The following CUX1 variants were observed in gnomAD, a reference collection of about 807,000 sequenced individuals.
The protein encoded by CUX1 is cut like homeobox 1.
A neutral mutation model predicts 158.8 loss-of-function variants in CUX1; 31 were observed. The ratio of observed to expected loss-of-function variants is 0.20; its 90% confidence interval spans 0.15 to 0.26. The LOEUF is 0.26. Ranked by LOEUF, CUX1 falls within the 10% of genes least tolerant of loss-of-function variation. The probability of loss-of-function intolerance (pLI) is 1.00; values close to 1 mark genes in which losing one functional copy is unlikely to be tolerated. For synonymous variants in CUX1, 879 were observed against 862.1 expected, an observed-to-expected ratio of 1.02 and a Z score of -0.34; for missense variants, 1,589 against 2,014.6, an observed-to-expected ratio of 0.79 and a Z score of 4.04.
chr7:102,274,071 G>A, intron 15 of CUX1: 1 of 619,262 alleles, frequency 1.6e-6, no homozygotes, highest in Non-Finnish European at 3.0e-6. Flanking sequence ...CTCTTCTTTG[G>A]TAGCTCATGT....
At chr7:102,186,063 C>T (rs909747376) in intron 11 of CUX1, among the ~76,000 whole-genome samples, 3 of 152,190 alleles carry the variant, frequency 2.0e-5, no homozygotes, top group African/African-American at 7.2e-5. Context: ...GCCTGTCGCC[C>T]GTCCCAGGGT....
chr7:102,227,450 G>A lies in CUX1; in HGVS notation c.3214G>A (p.Glu1072Lys). Reference sequence around the variant, plus strand: ...CAGTGAGTCGGTGAAGAGCCTGACCGAGCTGGTCCAGCAGCCCTGTCCCCC... The same window carrying A: ...CAGTGAGTCGGTGAAGAGCCTGACCAAGCTGGTCCAGCAGCCCTGTCCCCC... ...SSSESVKSLT[E>K]LVQQPCPPIE... Residue 1072 changes from glutamate to lysine, a missense_variant, in exon 21 of 24, where the codon GAG (glutamate) becomes AAG (lysine). Transcript: ENST00000292535. 2.5e-6 allele frequency: 4 copies of A among 1,613,952 alleles called. No homozygotes were observed. The highest frequency in any genetic ancestry group is 2.5e-6 in the Non-Finnish European group (3 of 1,180,010).
intron 15 of CUX1, 55 bp downstream of exon 15, chr7:102,197,360 A>ATG: frequency 2.6e-6 from 4 of 1,562,998 alleles, no homozygotes; most frequent in Non-Finnish European, 2.6e-6. Flanking sequence ...AGAGTTGCAC[A>ATG]TGTGTGTGTG....
chr7:102,269,831 C>T lies in CUX1; in HGVS notation c.1256-3535C>T, dbSNP rs376414072. On this transcript the variant is annotated intron_variant, in intron 14 of 22. Coordinates refer to the CUX1 transcript ENST00000292538. ...TGTCTTCTTCCATGCCCCCCCCAAA[C>T]GCTTCCAAGCTCTGACCGTTGGGGC... 1.2e-3 allele frequency among the ~76,000 whole-genome samples: 185 copies of T among 152,316 alleles called. 1 individual carries two copies. The highest frequency in any genetic ancestry group is 4.1e-3 in the African/African-American group (171 of 41,558).
At chr7:101,912,249 C>A (rs1195709071) in intron 1 of CUX1, among the ~76,000 whole-genome samples, 2 of 133,254 alleles carry the variant, frequency 1.5e-5, no homozygotes, top group East Asian at 5.5e-4. Flanking sequence ...CCCCTCCCTC[C>A]TCCTCCTCTA....
At chr7:102,157,589 G>T (rs1789913788) in intron 8 of CUX1, among the ~76,000 whole-genome samples, 1 of 152,204 alleles carries the variant, frequency 6.6e-6, no homozygotes, top group Admixed American at 6.5e-5. Context: ...AGACCAGCCT[G>T]GCCAACATGG....
intron 20 of CUX1, among the ~76,000 whole-genome samples, chr7:102,219,795 T>A (rs1194190478): frequency 6.6e-6 from 1 of 152,234 alleles, no homozygotes; most frequent in African/African-American, 2.4e-5. Flanking sequence ...CTCTTGCTAA[T>A]CAGTCAAGAT....
In CUX1 at chr7:102,255,459, C is replaced by A. The variant is rs556130417; in HGVS notation, c.*6417C>A. 3 of 985,212 alleles carry A rather than the reference C, an allele frequency of 3.0e-6. No individual in the cohort carries two copies. Among genetic ancestry groups the A allele is most frequent in the Middle Eastern group, 5.2e-4 (1 of 1,910 alleles). 61.0% of individuals were successfully genotyped at this position (985,212 alleles called of 1,614,324 possible). Reference sequence around the variant, plus strand: ...GGCTATGCATAAATGTGCACTTCCCCCATGCCCCCGTTCTTAAACTCTTAA... The same window carrying A: ...GGCTATGCATAAATGTGCACTTCCCACATGCCCCCGTTCTTAAACTCTTAA... On this transcript the variant is annotated 3_prime_UTR_variant, in exon 24 of 24. Coordinates refer to ENST00000292535, the MANE Select transcript of CUX1 (RefSeq NM_181552.4).
At chr7:101,871,459 C>G (rs1181163987) in intron 1 of CUX1, among the ~76,000 whole-genome samples, 1 of 152,074 alleles carries the variant, frequency 6.6e-6, no homozygotes, top group Non-Finnish European at 1.5e-5. Context: ...TGGAGAGCCA[C>G]TTGGTGGAGG....
chr7:102,197,009 C>T lies in CUX1; in HGVS notation c.1598C>T (p.Ala533Val), dbSNP rs1554518556. The T allele has an allele frequency of 6.2e-7, 1 of 1,614,230 alleles. No homozygotes were observed. Among genetic ancestry groups the T allele is most frequent in the Non-Finnish European group, 8.5e-7 (1 of 1,180,040 alleles). The change falls in exon 15 of 24, where the codon GCC becomes GTC. Residue 533 changes from alanine (A) to valine (V), a missense_variant. Physicochemically the swap from Ala to Val is moderately conservative, Grantham distance 64 (BLOSUM62 0). Coordinates refer to ENST00000292535, the MANE Select transcript of CUX1 (RefSeq NM_181552.4). ...LQQSPDVNGMAPSPSQSESAG... is the reference protein window; with the variant it reads ...LQQSPDVNGMVPSPSQSESAG... ...CAAAGCCCAGATGTCAATGGCATGG[C>T]CCCATCCCCCAGCCAGTCAGAAAGT... is the stretch of plus-strand genomic sequence containing the variant.
At chr7:102,106,173 C>T (rs1476102366) in intron 6 of CUX1, among the ~76,000 whole-genome samples, 3 of 149,936 alleles carry the variant, frequency 2.0e-5, no homozygotes, top group East Asian at 2.0e-4. Flanking sequence ...CTGCAACCTC[C>T]GCCTCCCAGG....
intron 21 of CUX1, chr7:102,282,024 C>A: frequency 1.2e-6 from 1 of 803,644 alleles, no homozygotes; most frequent in Non-Finnish European, 2.2e-6. Flanking sequence ...GGGCCTACCC[C>A]AAGCTGCATC....
chr7:102,088,982 T>G (rs1205487634), intron 4 of CUX1, among the ~76,000 whole-genome samples: 1 of 152,208 alleles, frequency 6.6e-6, no homozygotes, highest in East Asian at 1.9e-4. Flanking sequence ...GTATGTTTGG[T>G]TGCTTAATTT....
At chr7:101,999,894 G>A (rs1027900399) in intron 2 of CUX1, among the ~76,000 whole-genome samples, 2 of 152,082 alleles carry the variant, frequency 1.3e-5, no homozygotes, top group African/African-American at 2.4e-5. Context: ...GCGTGTGTGT[G>A]TGCGTGTGTG....
intron 14 of CUX1, among the ~76,000 whole-genome samples, chr7:102,266,219 A>AGAG (rs1554545040): frequency 6.8e-6 from 1 of 147,638 alleles, no homozygotes; most frequent in African/African-American, 2.6e-5. Context: ...AAAAAAAAAA[A>AGAG]AGAGAGAGAG....
At chr7:101,993,967 G>A (rs1007058575) in intron 2 of CUX1, among the ~76,000 whole-genome samples, 2 of 152,118 alleles carry the variant, frequency 1.3e-5, no homozygotes, top group Non-Finnish European at 2.9e-5. Context: ...CCATCTGCCT[G>A]GCTGCCATTC....
chr7:102,121,656 A>AT (rs1265666262), intron 8 of CUX1, among the ~76,000 whole-genome samples: 1 of 152,090 alleles, frequency 6.6e-6, no homozygotes, highest in Admixed American at 6.6e-5. Context: ...CTTTGTTTAC[A>AT]TACTGTTCTG....
chr7:101,936,608 G>A (rs756023230), intron 2 of CUX1, among the ~76,000 whole-genome samples: 1 of 152,176 alleles, frequency 6.6e-6, no homozygotes, highest in Non-Finnish European at 1.5e-5. Flanking sequence ...AAAGCCCGGC[G>A]ACCATCATGC....
intron 8 of CUX1, among the ~76,000 whole-genome samples, chr7:102,153,182 T>G (rs1348112372): frequency 1.3e-5 from 2 of 152,114 alleles, no homozygotes; most frequent in Non-Finnish European, 2.9e-5. Flanking sequence ...TGAGAAGAAA[T>G]CCAGAGAGTG....
Sources: allele counts gnomAD v4.1 joint callset (sites outside exome capture counted in the v4.1 genomes callset), GRCh38; gene constraint gnomAD v4.1.1; transcripts MANE v1.5; gene names NCBI Gene and HGNC (gene_info 2026-07-23, HGNC 2026-07-21).